Variants in FRMD4A observed in about 807,000 individuals in gnomAD.
FRMD4A encodes FERM domain containing 4A.
Under a neutral mutation model 129.1 loss-of-function variants are expected in FRMD4A, and 29 were observed. The ratio of observed to expected loss-of-function variants is 0.22; its 90% CI spans 0.17 to 0.31. The LOEUF (loss-of-function observed/expected upper bound fraction) is 0.31. Ranked by LOEUF, FRMD4A falls within the 10% of genes least tolerant of loss-of-function variation. The pLI, the probability that FRMD4A is intolerant of heterozygous loss-of-function variation, is 1.00. For missense variants in FRMD4A, 1,272 were observed against 1,375.8 expected (o/e 0.92, Z 1.19); for synonymous variants, 634 against 571.6 (o/e 1.11, Z -1.56).
At position 13,746,389 on chromosome 10, in the gene FRMD4A, A is replaced by T. The variant is rs1361339762; in HGVS notation, c.548+1347T>A. 2.0e-5 allele frequency among the ~76,000 whole-genome samples: 3 copies of T among 151,582 alleles called. No individual in the cohort carries two copies. The East Asian group carries it at 5.8e-4, about 29-fold the overall frequency. Reference sequence around the variant, plus strand: ...TCATGTCCAGCTAATTTTTTTTTGTATTTTTAGTAGAGACGGGGTTTCATC... The same window carrying T: ...TCATGTCCAGCTAATTTTTTTTTGTTTTTTTAGTAGAGACGGGGTTTCATC... On this transcript the variant is annotated intron_variant, in intron 9 of 24. Transcript: ENST00000357447.
intron 2 of FRMD4A, among the ~76,000 whole-genome samples, chr10:13,948,754 C>T (rs761730931): frequency 5.4e-5 from 8 of 149,200 alleles, no homozygotes; most frequent in African/African-American, 7.4e-5. Context: ...CAGGTTCAAG[C>T]GATTCTCCTG....
chr10:13,882,806 G>T lies in FRMD4A; in HGVS notation c.46-23894C>A, dbSNP rs11258694. Among the ~76,000 whole-genome samples the T allele has an allele frequency of 5.2e-4, 66 of 125,774 alleles. 6 individuals carry two copies. The highest frequency in any genetic ancestry group is 7.6e-4 in the Non-Finnish European group (43 of 56,922). 82.5% of individuals were successfully genotyped at this position (125,774 alleles called of 152,430 possible). The stretch of plus-strand genomic sequence containing the variant: ...CCAAAAGCCACAGTATAATTTTTTG[G>T]TTTTTTTTTTTTTTTTTGAGACACA... On this transcript the variant is annotated intron_variant, in intron 2 of 24. Transcript: ENST00000357447.
At chr10:13,953,179 T>C (rs932812262) in intron 2 of FRMD4A, among the ~76,000 whole-genome samples, 4 of 152,218 alleles carry the variant, frequency 2.6e-5, no homozygotes, top group Admixed American at 6.5e-5. Flanking sequence ...GGCTCTTCCA[T>C]ATAGATGCTC....
chr10:13,997,731 T>G (rs2095627963), intron 2 of FRMD4A, among the ~76,000 whole-genome samples: 2 of 151,428 alleles, frequency 1.3e-5, no homozygotes, highest in Non-Finnish European at 2.9e-5. Context: ...CAAACAAGCC[T>G]TCCATCTCAG....
At chr10:13,762,743 T>C (rs2092124090) in intron 6 of FRMD4A, 63 bp from the exon 7 acceptor site, 1 of 1,026,314 alleles carries the variant, frequency 9.7e-7, no homozygotes, top group African/African-American at 1.6e-5. Flanking sequence ...TTTTCTTTTA[T>C]TTTAAATGAC....
intron 19 of FRMD4A, among the ~76,000 whole-genome samples, chr10:13,662,421 C>T (rs796118173): frequency 6.6e-6 from 1 of 152,164 alleles, no homozygotes; most frequent in Non-Finnish European, 1.5e-5. Context: ...AGCCACTTAT[C>T]ACTGCCTGCC....
At chr10:13,754,083 C>T (rs2091753185) in intron 8 of FRMD4A, among the ~76,000 whole-genome samples, 1 of 152,130 alleles carries the variant, frequency 6.6e-6, no homozygotes, top group African/African-American at 2.4e-5. Flanking sequence ...CTCAGTATCA[C>T]CCTTTAGTTT....
intron 2 of FRMD4A, among the ~76,000 whole-genome samples, chr10:14,299,656 G>A (rs1392277209): frequency 6.6e-6 from 1 of 152,084 alleles, no homozygotes; most frequent in African/African-American, 2.4e-5. Flanking sequence ...CCTTTTGGGG[G>A]CTCTGGCCAT....
intron 3 of FRMD4A, among the ~76,000 whole-genome samples, chr10:13,825,478 C>T (rs569702777): frequency 2.2e-4 from 34 of 152,256 alleles, no homozygotes; most frequent in African/African-American, 7.0e-4. Flanking sequence ...ACTGTGCATG[C>T]GAGGGATCTA....
chr10:13,856,500 G>A (rs922895749), intron 3 of FRMD4A, among the ~76,000 whole-genome samples: 1 of 152,066 alleles, frequency 6.6e-6, no homozygotes, highest in Non-Finnish European at 1.5e-5. Context: ...ACAGCGAGGT[G>A]TGGCCATGTC....
At chr10:14,183,871 C>T (rs188798073) in intron 2 of FRMD4A, among the ~76,000 whole-genome samples, 1 of 152,270 alleles carries the variant, frequency 6.6e-6, no homozygotes, top group African/African-American at 2.4e-5. Context: ...GACTCAGTAC[C>T]TCAGCATAAC....
At chr10:13,715,262 C>G (rs903299035) in intron 12 of FRMD4A, among the ~76,000 whole-genome samples, 2 of 152,050 alleles carry the variant, frequency 1.3e-5, no homozygotes, top group Non-Finnish European at 2.9e-5. Context: ...CTCTCTAAAA[C>G]GAGGGGGTGT....
intron 2 of FRMD4A, among the ~76,000 whole-genome samples, chr10:14,304,083 G>C (rs1240549604): frequency 6.6e-6 from 1 of 152,180 alleles, no homozygotes; most frequent in African/African-American, 2.4e-5. Context: ...TATGAATAAT[G>C]CTGCTGTGAA....
intron 23 of FRMD4A, chr10:13,653,730 C>A (rs953989945): frequency 1.2e-4 from 18 of 150,108 alleles, no homozygotes; most frequent in African/African-American, 4.6e-4. Context: ...TCAGGGGCAA[C>A]AGAAGAGGCA....
intron 2 of FRMD4A, among the ~76,000 whole-genome samples, chr10:13,946,722 T>C (rs2131323262): frequency 6.6e-6 from 1 of 152,270 alleles, no homozygotes; most frequent in Middle Eastern, 3.4e-3. Context: ...GGCCAGCCTA[T>C]AAAGGTTGTA....
At chr10:13,707,961 C>T in intron 12 of FRMD4A, 1 of 871,928 alleles carries the variant, frequency 1.1e-6, no homozygotes, top group Middle Eastern at 5.8e-4. Flanking sequence ...AACGGGGTTC[C>T]TTTCATTGGA....
At chr10:14,235,283 G>GGGACT (rs1256629482) in intron 2 of FRMD4A, among the ~76,000 whole-genome samples, 32 of 136,838 alleles carry the variant, frequency 2.3e-4, no homozygotes, top group Non-Finnish European at 2.6e-4. Context: ...CCGAGCAGCT[G>GGGACT]AGTCCCTGGT....
intron 2 of FRMD4A, among the ~76,000 whole-genome samples, chr10:14,281,191 C>T (rs749929525): frequency 1.8e-4 from 28 of 151,902 alleles, no homozygotes; most frequent in Non-Finnish European, 2.4e-4. Context: ...AGGGTTTCTC[C>T]GTGTTGGTCA....
intron 2 of FRMD4A, among the ~76,000 whole-genome samples, chr10:14,051,085 C>A (rs1287498458): frequency 1.3e-5 from 2 of 152,190 alleles, no homozygotes; most frequent in African/African-American, 4.8e-5. Flanking sequence ...GTCAGGATTG[C>A]AAAGGCATTG....
Sources: allele counts gnomAD v4.1 joint callset (sites outside exome capture counted in the v4.1 genomes callset), GRCh38; gene constraint gnomAD v4.1.1; transcripts MANE v1.5; gene names NCBI Gene and HGNC (gene_info 2026-07-23, HGNC 2026-07-21).